Variants in ANXA5 observed in about 807,000 individuals in gnomAD.
ANXA5 encodes the protein CBP-I.
Under a neutral mutation model 48.1 loss-of-function variants are expected in ANXA5, and 40 were observed. That is an observed-to-expected ratio of 0.83 (90% CI 0.65 to 1.08). The LOEUF is 1.08. Ranked by LOEUF, ANXA5 falls within the 50% of genes least tolerant of loss-of-function variation. ANXA5 has a pLI of 0.00. For synonymous variants in ANXA5, 113 were observed against 129.1 expected (o/e 0.88, Z 0.85); for missense variants, 357 against 376.8 (o/e 0.95, Z 0.44).
At chr4:121,671,500 C>T (rs762878936) in intron 10 of ANXA5, 47 bp downstream of exon 10, 2 of 1,390,560 alleles carry the variant, frequency 1.4e-6, no homozygotes, top group East Asian at 2.3e-5. Context: ...GAATAAAATG[C>T]TTTAGCTCTT....
chr4:121,674,884 G>A (rs1350550864), intron 8 of ANXA5, among the ~76,000 whole-genome samples: 1 of 152,146 alleles, frequency 6.6e-6, no homozygotes, highest in Non-Finnish European at 1.5e-5. Flanking sequence ...CTGGTTCAGT[G>A]CAAAGGATGA....
intron 2 of ANXA5, among the ~76,000 whole-genome samples, chr4:121,691,811 G>C (rs1302755718): frequency 6.6e-6 from 1 of 152,022 alleles, no homozygotes; most frequent in Non-Finnish European, 1.5e-5. Flanking sequence ...CCGCTAATGA[G>C]AAAATAAATT....
intron 8 of ANXA5, among the ~76,000 whole-genome samples, chr4:121,673,057 CAT>C (rs1482352471): frequency 6.6e-6 from 1 of 152,190 alleles, no homozygotes; most frequent in Admixed American, 6.5e-5. Flanking sequence ...TTCAATAGCA[CAT>C]GAGTAAAAGT....
At chr4:121,690,234 C>A (rs906189663) in intron 2 of ANXA5, among the ~76,000 whole-genome samples, 2 of 152,196 alleles carry the variant, frequency 1.3e-5, no homozygotes, top group African/African-American at 4.8e-5. Context: ...ATCAAACAAG[C>A]AAGTAGCAGA....
At position 121,686,389 on chromosome 4, in the gene ANXA5, AG is replaced by A; in HGVS notation, c.10-18del. 6.3e-7 allele frequency: 1 copy of A among 1,594,912 alleles called. No homozygotes were observed. Among genetic ancestry groups the A allele is most frequent in the Non-Finnish European group, 8.6e-7 (1 of 1,162,614 alleles). ...TCTGAGAACCTAATTCACGAAACACAGTGGTATTATTCATATCATGACTAAT... is the reference window on the plus strand; with the variant it reads ...TCTGAGAACCTAATTCACGAAACACATGGTATTATTCATATCATGACTAAT... On this transcript the variant is annotated intron_variant, in intron 2 of 12. Coordinates refer to ENST00000296511, the MANE Select transcript of ANXA5 (RefSeq NM_001154.4).
chr4:121,677,972 A>G (rs536984632), intron 7 of ANXA5, 22 bp from the exon 8 acceptor site: 5 of 1,601,128 alleles, frequency 3.1e-6, no homozygotes, highest in South Asian at 2.2e-5. Flanking sequence ...AATATGTCAC[A>G]TTACTGAACT....
At chr4:121,683,185 G>A (rs1456286189) in intron 5 of ANXA5, among the ~76,000 whole-genome samples, 179 bp downstream of exon 5, 1 of 152,058 alleles carries the variant, frequency 6.6e-6, no homozygotes, top group Non-Finnish European at 1.5e-5. Context: ...AAGATGAAAT[G>A]ACACACGTGT....
chr4:121,677,944 T>TTA lies in ANXA5; in HGVS notation c.480_481insTA (p.Arg161Ter), dbSNP rs1319156540. 6.2e-6 allele frequency: 10 copies of TTA among 1,613,578 alleles called. No individual in the cohort carries two copies. The South Asian group carries it at 1.1e-4, about 18-fold the overall frequency. On this transcript the variant is annotated frameshift_variant, in exon 8 of 13. Coordinates refer to ENST00000296511, the MANE Select transcript of ANXA5 (RefSeq NM_001154.4). LOFTEE classifies it high-confidence loss of function. ...TCATCAATTCCAGCATCAGGGTCTC[T>TTA]GTTAGCCTATGAGAGGTAATATGTC...
At position 121,683,425 on chromosome 4, in the gene ANXA5, A is replaced by G. The variant is rs41278081; in HGVS notation, c.242T>C (p.Ile81Thr). ...CCGAGAGGGTTTCATCAGAGCCACA[A>G]TTAATTTTTCAAATTTTCCAGTTAG... ...SELTGKFEKLIVALMKPSRLY... is the reference protein window; with the variant it reads ...SELTGKFEKLTVALMKPSRLY... Residue 81 changes from isoleucine to threonine, a missense_variant, in exon 5 of 13, where the codon ATT becomes ACT. Transcript: ENST00000296511. 3.3e-3 allele frequency: 5,326 copies of G among 1,611,744 alleles called. 12 individuals are homozygous for G. The highest frequency in any genetic ancestry group is 4.0e-3 in the Non-Finnish European group (4,748 of 1,178,618).
chr4:121,672,414 A>T (rs1724627864), intron 9 of ANXA5, 119 bp downstream of exon 9: 1 of 672,750 alleles, frequency 1.5e-6, no homozygotes, highest in Admixed American at 2.9e-5. Context: ...AAAAGGAAGA[A>T]ATACAAAAAC....
At chr4:121,687,182 C>A (rs536640524) in intron 2 of ANXA5, among the ~76,000 whole-genome samples, 1 of 151,872 alleles carries the variant, frequency 6.6e-6, no homozygotes, top group Admixed American at 6.6e-5. Flanking sequence ...CGCCTGTAGT[C>A]CCAGCTGCTT....
intron 2 of ANXA5, among the ~76,000 whole-genome samples, chr4:121,696,099 G>A (rs977543027): frequency 2.9e-5 from 4 of 137,828 alleles, no homozygotes; most frequent in African/African-American, 8.1e-5. Flanking sequence ...ACTGGGCTGA[G>A]CAACTGGAAA....
chr4:121,693,241 A>G (rs367800926), intron 2 of ANXA5, among the ~76,000 whole-genome samples: 164 of 147,160 alleles, frequency 1.1e-3, no homozygotes, highest in African/African-American at 3.7e-3. Flanking sequence ...CTCGGGGGAG[A>G]AAAAAAAAAA....
In ANXA5 at chr4:121,696,620, CAGGA is replaced by C. The variant is rs1377945235; in HGVS notation, c.-35_-32del. ...CTACTCAGGTCAGGGGAAGGTGAAG[CAGGA>C]CTGCAAAAGAGAAGAAACCTCGGGC... On this transcript the variant is annotated splice_region_variant and 5_prime_UTR_variant, in exon 2 of 13. Coordinates refer to ENST00000296511, the MANE Select transcript of ANXA5 (RefSeq NM_001154.4). The C allele has an allele frequency of 7.1e-7, 1 of 1,401,050 alleles. No individual in the cohort carries two copies. Among genetic ancestry groups the C allele is most frequent in the East Asian group, 2.7e-5 (1 of 37,100 alleles). The allele number at this position is 1,401,050 out of a possible 1,614,324, so 86.8% of individuals were successfully genotyped here.
chr4:121,675,158 T>A (rs573272972), intron 8 of ANXA5, among the ~76,000 whole-genome samples: 1 of 152,330 alleles, frequency 6.6e-6, no homozygotes, highest in South Asian at 2.1e-4. Flanking sequence ...AGAAGGTAAA[T>A]CTGTTTTAAT....
intron 6 of ANXA5, among the ~76,000 whole-genome samples, chr4:121,680,295 T>G (rs1003924691): frequency 6.6e-6 from 1 of 152,010 alleles, no homozygotes; most frequent in Non-Finnish European, 1.5e-5. Context: ...GTGTACGTAT[T>G]CTTTATCTAT....
chr4:121,671,476 A>T, intron 10 of ANXA5, 71 bp downstream of exon 10: 1 of 1,141,340 alleles, frequency 8.8e-7, no homozygotes. Flanking sequence ...TTATTTTCAG[A>T]TGCAGCCTCA....
chr4:121,676,527 C>G (rs562442816), intron 8 of ANXA5, among the ~76,000 whole-genome samples: 250 of 152,178 alleles, frequency 1.6e-3, no homozygotes, highest in African/African-American at 5.8e-3. Flanking sequence ...GAGTTATGTG[C>G]TCATTCATTC....
At chr4:121,685,982 C>T (rs908226288) in intron 3 of ANXA5, among the ~76,000 whole-genome samples, 2 of 151,534 alleles carry the variant, frequency 1.3e-5, no homozygotes, top group African/African-American at 4.8e-5. Context: ...TGAATGCAGC[C>T]TAACACAAAC....
Sources: gnomAD v4.1 joint callset for allele counts (sites outside exome capture counted in the v4.1 genomes callset) on GRCh38, gnomAD v4.1.1 for gene constraint, MANE v1.5 for transcripts, NCBI Gene and HGNC (gene_info 2026-07-23, HGNC 2026-07-21) for gene names.